Variants in NWD1 observed in about 807,000 individuals in gnomAD.
The protein encoded by NWD1 is NACHT domain- and WD repeat-containing protein 1.
NWD1 carries 129 observed loss-of-function variants against 135.1 expected under a neutral mutation model. The ratio of observed to expected loss-of-function variants is 0.96; its 90% CI spans 0.83 to 1.11. The LOEUF is 1.11. Ranked by LOEUF, NWD1 falls within the 50% of genes least tolerant of loss-of-function variation. The probability of loss-of-function intolerance (pLI) is 0.00; values close to 1 mark genes in which losing one functional copy is unlikely to be tolerated. For synonymous variants in NWD1, 773 were observed against 786.0 expected, an observed-to-expected ratio of 0.98 and a Z score of 0.28; for missense variants, 1,740 against 1,851.3, an observed-to-expected ratio of 0.94 and a Z score of 1.10.
intron 12 of NWD1, among the ~76,000 whole-genome samples, chr19:16,784,645 A>G (rs1263612623): frequency 6.6e-6 from 1 of 152,032 alleles, no homozygotes; most frequent in Non-Finnish European, 1.5e-5. Flanking sequence ...AAAAAGGAGC[A>G]GTCGGCTGGG....
rs1234059380 is a variant in NWD1, at chr19:16,791,398, G to A, written c.2989G>A (p.Gly997Arg). The A allele has an allele frequency of 6.2e-7, 1 of 1,614,014 alleles. No homozygotes were observed. The highest frequency in any genetic ancestry group is 1.1e-5 in the South Asian group (1 of 91,070). The change falls in exon 14 of 19, where the codon GGA becomes AGA. Residue 997 changes from glycine to arginine, a missense_variant. Gly to Arg is a moderately radical substitution (Grantham distance 125). Coordinates refer to ENST00000524140, the MANE Select transcript of NWD1 (RefSeq NM_001007525.5). ...ETAEPVFHIL[G>R]DASDPWMCMA... ...TGCAGAGCCGGTATTCCATATCCTG[G>A]GAGATGCCTCTGATCCTTGGATGTG...
chr19:16,724,674 G>C (rs1967257967), intron 2 of NWD1, among the ~76,000 whole-genome samples: 1 of 152,084 alleles, frequency 6.6e-6, no homozygotes, highest in Non-Finnish European at 1.5e-5. Flanking sequence ...ACTCAACCCA[G>C]TGAGACCCCA....
At chr19:16,812,829 CTTG>C (rs994352803) in intron 18 of NWD1, 1 of 780,998 alleles carries the variant, frequency 1.3e-6, no homozygotes, top group Admixed American at 1.7e-5. Flanking sequence ...TCGCTCTATA[CTTG>C]TTTGGAGTGT....
intron 18 of NWD1, among the ~76,000 whole-genome samples, chr19:16,811,382 G>A (rs1970918492): frequency 1.3e-5 from 2 of 151,862 alleles, no homozygotes; most frequent in Non-Finnish European, 2.9e-5. Flanking sequence ...TCAGGAGTTC[G>A]AGACCAGCCT....
intron 7 of NWD1, among the ~76,000 whole-genome samples, chr19:16,760,581 T>C (rs1968972338): frequency 6.6e-6 from 1 of 151,342 alleles, no homozygotes; most frequent in Non-Finnish European, 1.5e-5. Context: ...TTTTATTTTA[T>C]TTATTTAATT....
In NWD1 at chr19:16,728,851, A is replaced by G. The variant is rs369139939; in HGVS notation, c.-6-2341A>G. On this transcript the variant is annotated intron_variant, in intron 2 of 18. Coordinates refer to ENST00000524140, the MANE Select transcript of NWD1 (RefSeq NM_001007525.5). ...CCCAGCTGCTCGGGAGGCTGAGGCA[A>G]GAGAATGGCGTGAACCCAGGAGGCG... Among the ~76,000 whole-genome samples the G allele has an allele frequency of 1.4e-3, 205 of 151,374 alleles. 5 individuals carry two copies. In the East Asian group the frequency reaches 0.033, roughly 25 times the overall value.
chr19:16,809,913 C>T (rs1970872233), intron 18 of NWD1, among the ~76,000 whole-genome samples: 1 of 152,040 alleles, frequency 6.6e-6, no homozygotes, highest in Non-Finnish European at 1.5e-5. Context: ...TGCCAGGACC[C>T]CTTTCTATCA....
At chr19:16,758,868 C>G (rs146179167) in intron 6 of NWD1, among the ~76,000 whole-genome samples, 10,758 of 151,842 alleles carry the variant, frequency 0.071, 448 homozygotes, top group East Asian at 0.12. Context: ...ATTAGCCAGG[C>G]GTGGTGGCGC....
Position 16,797,922 on chromosome 19 carries a change from C to T in NWD1, c.3459+36C>T, listed in dbSNP as rs547074267. On this transcript the variant is annotated intron_variant, in intron 16 of 18. Transcript: ENST00000524140. ...ATCTGGGACCCTTCATCCTCACCTCCACCTCGGGAACAGACACTGATTCTT... is the reference window on the plus strand; with the variant it reads ...ATCTGGGACCCTTCATCCTCACCTCTACCTCGGGAACAGACACTGATTCTT... 2.2e-5 allele frequency: 34 copies of T among 1,577,436 alleles called. 1 individual carries two copies. In the African/African-American group the frequency reaches 3.9e-4, roughly 18 times the overall value.
intron 18 of NWD1, chr19:16,812,658 A>G: frequency 1.3e-6 from 1 of 764,484 alleles, no homozygotes; most frequent in Non-Finnish European, 2.4e-6. Context: ...AACAAGAGTG[A>G]AACTCCATCT....
chr19:16,799,787 C>T lies in NWD1; in HGVS notation c.3460-99C>T, dbSNP rs1599553171. On this transcript the variant is annotated intron_variant, in intron 16 of 18. Transcript: ENST00000524140. ...CCTCCCAAAGTGTTGGGATTACAGG[C>T]GTGAGCCACCGCGCCTGGCCCAATG... 7.1e-6 allele frequency: 8 copies of T among 1,123,382 alleles called. No individual in the cohort carries two copies. In the East Asian group the frequency reaches 7.2e-5, roughly 10 times the overall value. 69.6% of individuals were successfully genotyped at this position (1,123,382 alleles called of 1,614,324 possible).
chr19:16,794,647 GC>G, intron 15 of NWD1, 94 bp downstream of exon 15: 2 of 885,850 alleles, frequency 2.3e-6, no homozygotes, highest in Non-Finnish European at 3.6e-6. Context: ...AAGTCCTAGG[GC>G]CAGAGGTTAG....
intron 1 of NWD1, among the ~76,000 whole-genome samples, chr19:16,723,774 C>A (rs1967223973): frequency 6.6e-6 from 1 of 152,112 alleles, no homozygotes; most frequent in Non-Finnish European, 1.5e-5. Flanking sequence ...CAGCTCACTG[C>A]AACCTCTACC....
intron 10 of NWD1, among the ~76,000 whole-genome samples, chr19:16,769,482 C>T (rs1448746371): frequency 6.6e-6 from 1 of 151,100 alleles, no homozygotes; most frequent in Admixed American, 6.6e-5. Flanking sequence ...GAGCCCAAAT[C>T]TCACTAAGTA....
chr19:16,796,131 G>A (rs563888203), intron 15 of NWD1, among the ~76,000 whole-genome samples: 10 of 152,102 alleles, frequency 6.6e-5, no homozygotes, highest in South Asian at 6.2e-4. Flanking sequence ...ATTGGAAAAC[G>A]TAACATTCAA....
At chr19:16,726,768 G>A (rs1967346978) in intron 2 of NWD1, among the ~76,000 whole-genome samples, 1 of 152,170 alleles carries the variant, frequency 6.6e-6, no homozygotes, top group African/African-American at 2.4e-5. Context: ...TTTCAACACT[G>A]CTGACAACTG....
rs542536739 is a variant in NWD1 at position 16,794,827 on chromosome 19, A to G, written c.3304+274A>G. 1.0e-3 allele frequency among the ~76,000 whole-genome samples: 159 copies of G among 152,164 alleles called. 2 individuals are homozygous for G. The highest frequency in any genetic ancestry group is 3.7e-3 in the African/African-American group (152 of 41,526). On this transcript the variant is annotated intron_variant, in intron 15 of 18. Coordinates refer to ENST00000524140, the MANE Select transcript of NWD1 (RefSeq NM_001007525.5). Reference sequence around the variant, plus strand: ...AATAGGGTCTTGCTGTGTCACCCAGACTGGAGTGGAGTGGCTCAATCATAA... The same window carrying G: ...AATAGGGTCTTGCTGTGTCACCCAGGCTGGAGTGGAGTGGCTCAATCATAA...
At position 16,816,493 on chromosome 19, in the gene NWD1, T is replaced by C. The variant is rs1411058275; in HGVS notation, c.*1454T>C. The C allele has an allele frequency of 1.3e-5, 2 of 152,206 alleles. No homozygotes were observed. Among genetic ancestry groups the C allele is most frequent in the African/African-American group, 4.8e-5 (2 of 41,454 alleles). The allele number at this position is 152,206 out of a possible 1,614,324, so 9.4% of individuals were successfully genotyped here. A position where few individuals can be genotyped will look rare whatever the true frequency, so the allele number is the denominator to read the frequency against. On this transcript the variant is annotated 3_prime_UTR_variant, in exon 19 of 19. Coordinates refer to ENST00000524140, the MANE Select transcript of NWD1 (RefSeq NM_001007525.5). ...GGATAAAGATGTGGGTTTTTAATCTTAAAAACTGGAGGCTCTTGGAAGTAG... is the reference window on the plus strand; with the variant it reads ...GGATAAAGATGTGGGTTTTTAATCTCAAAAACTGGAGGCTCTTGGAAGTAG...
intron 13 of NWD1, among the ~76,000 whole-genome samples, chr19:16,790,847 T>C (rs1376284461): frequency 6.6e-6 from 1 of 152,158 alleles, no homozygotes; most frequent in Non-Finnish European, 1.5e-5. Context: ...CTTGTTTCTT[T>C]GTACCTTTTG....
Sources: gnomAD v4.1 joint callset for allele counts (sites outside exome capture counted in the v4.1 genomes callset) on GRCh38, gnomAD v4.1.1 for gene constraint, MANE v1.5 for transcripts, NCBI Gene and HGNC (gene_info 2026-07-23, HGNC 2026-07-21) for gene names.